MECOM: variants seen among roughly 807,000 people sequenced by gnomAD.
MECOM encodes MDS1 and EVI1 complex locus, also known as histone-lysine N-methyltransferase MECOM.
A neutral mutation model predicts 116.3 loss-of-function variants in MECOM; 13 were observed. That is an observed-to-expected ratio of 0.11 (90% CI 0.07 to 0.18). The LOEUF is 0.18. Ranked by LOEUF, MECOM falls within the 10% of genes least tolerant of loss-of-function variation. The probability of loss-of-function intolerance (pLI) is 1.00; values close to 1 mark genes in which losing one functional copy is unlikely to be tolerated. For missense variants in MECOM, 1,299 were observed against 1,509.0 expected (o/e 0.86, Z 2.31); for synonymous variants, 528 against 535.2 (o/e 0.99, Z 0.19).
At chr3:169,123,567 G>C (rs1731804655) in intron 5 of MECOM, among the ~76,000 whole-genome samples, 1 of 151,898 alleles carries the variant, frequency 6.6e-6, no homozygotes, top group African/African-American at 2.4e-5. Context: ...AAATATTATA[G>C]ATAATGGATT....
intron 2 of MECOM, among the ~76,000 whole-genome samples, chr3:169,362,142 G>T (rs1048026389): frequency 2.6e-5 from 4 of 151,826 alleles, no homozygotes; most frequent in African/African-American, 9.7e-5. Context: ...AATATATTAG[G>T]TTGGTGTAAA....
intron 1 of MECOM, among the ~76,000 whole-genome samples, chr3:169,658,356 A>G (rs1775788400): frequency 6.6e-6 from 1 of 152,172 alleles, no homozygotes; most frequent in South Asian, 2.1e-4. Context: ...CTATGAGGCT[A>G]GGAAGGAGCC....
chr3:169,128,056 T>C lies in MECOM; in HGVS notation c.618A>G (p.Glu206=). Residue 206 remains glutamate (E), a synonymous_variant, in exon 5 of 17, where the codon GAA becomes GAG. Transcript: ENST00000651503. ...CACAGTCTTCGCAGCGATATTGCCG[T>C]TCTTCTGTGAAAACAATTCAGGTGT... The part of the protein sequence containing the change: ...HETMAPDIHE[E]RQYRCEDCDQ... The C allele has an allele frequency of 6.2e-7, 1 of 1,613,950 alleles. No individual in the cohort carries two copies. The highest frequency in any genetic ancestry group is 2.2e-5 in the East Asian group (1 of 44,874).
At chr3:169,580,737 C>G (rs1328784695) in intron 1 of MECOM, among the ~76,000 whole-genome samples, 2 of 152,094 alleles carry the variant, frequency 1.3e-5, no homozygotes, top group African/African-American at 4.8e-5. Context: ...AATCAAGTTG[C>G]CCCAAATGAC....
At chr3:169,661,417 G>A (rs1776270973) in intron 1 of MECOM, among the ~76,000 whole-genome samples, 1 of 151,798 alleles carries the variant, frequency 6.6e-6, no homozygotes, top group Admixed American at 6.6e-5. Flanking sequence ...TAAAGACATC[G>A]GCCTCATTTA....
chr3:169,167,307 T>A (rs1052042413), intron 2 of MECOM, among the ~76,000 whole-genome samples: 2 of 152,180 alleles, frequency 1.3e-5, no homozygotes, highest in African/African-American at 4.8e-5. Context: ...CTGTGCCTTC[T>A]CCTCCTCACA....
At chr3:169,300,375 C>A (rs1004248893) in intron 2 of MECOM, among the ~76,000 whole-genome samples, 1 of 152,202 alleles carries the variant, frequency 6.6e-6, no homozygotes, top group Non-Finnish European at 1.5e-5. Context: ...TCTTATAAAT[C>A]ATTCAAATAG....
intron 7 of MECOM, among the ~76,000 whole-genome samples, chr3:169,119,876 G>A (rs1486286132): frequency 6.6e-6 from 1 of 152,010 alleles, no homozygotes; most frequent in Non-Finnish European, 1.5e-5. Context: ...CTTCACCCGG[G>A]GAACAGAAGA....
chr3:169,458,627 C>T (rs1463849220), intron 1 of MECOM, among the ~76,000 whole-genome samples: 1 of 152,190 alleles, frequency 6.6e-6, no homozygotes, highest in Non-Finnish European at 1.5e-5. Context: ...CATGTCTTGC[C>T]TCATGATTCA....
At chr3:169,381,738 T>G (rs748312035) in intron 1 of MECOM, among the ~76,000 whole-genome samples, 1 of 152,186 alleles carries the variant, frequency 6.6e-6, no homozygotes, top group Non-Finnish European at 1.5e-5. Context: ...ATAAATCAAA[T>G]GAGCTAATCC....
At chr3:169,614,272 G>A (rs1268932752) in intron 1 of MECOM, among the ~76,000 whole-genome samples, 2 of 150,880 alleles carry the variant, frequency 1.3e-5, no homozygotes, top group African/African-American at 4.9e-5. Flanking sequence ...GATCACTGAG[G>A]ATGCCTGTCC....
chr3:169,436,151 C>T (rs1742587689), intron 1 of MECOM, among the ~76,000 whole-genome samples: 1 of 148,888 alleles, frequency 6.7e-6, no homozygotes, highest in South Asian at 2.1e-4. Context: ...TCTTTGTTTA[C>T]ATAGCTGAGG....
Position 169,093,057 on chromosome 3 carries a change from G to A in MECOM, c.3065C>T (p.Ala1022Val), listed in dbSNP as rs368424856. 45 of 1,613,588 alleles carry A rather than the reference G, an allele frequency of 2.8e-5. No homozygotes were observed. Among genetic ancestry groups the A allele is most frequent in the South Asian group, 2.5e-4 (23 of 91,034 alleles). The change falls in exon 14 of 17, where the codon GCG becomes GTG. Residue 1022 changes from alanine (A) to valine (V), a missense_variant. By Grantham distance (64) the Ala-to-Val change is moderately conservative. This residue lies in a region of MECOM where 273 missense variants were observed against 289.3 expected (regional missense o/e 0.94). Transcript: ENST00000651503. Reference protein sequence around the residue: ...SPHSELESTGAILDDKEDAYF... With the variant: ...SPHSELESTGVILDDKEDAYF... ...AGCATCTTCTTTGTCATCCAGAATC[G>A]CACCTGTACTTTCCAGTTCAGAATG...
At chr3:169,123,764 C>G (rs1201067031) in intron 5 of MECOM, among the ~76,000 whole-genome samples, 2 of 151,858 alleles carry the variant, frequency 1.3e-5, no homozygotes, top group Admixed American at 1.3e-4. Context: ...AGATAATATC[C>G]AAAAAATTAG....
At chr3:169,196,080 A>G (rs1748379227) in intron 2 of MECOM, among the ~76,000 whole-genome samples, 1 of 152,030 alleles carries the variant, frequency 6.6e-6, no homozygotes, top group Non-Finnish European at 1.5e-5. Context: ...TCCTATCGTT[A>G]TGAACTATAG....
rs748301942 is a variant in MECOM at position 169,131,549 on chromosome 3, A to G, written c.511-18T>C. 1.3e-6 allele frequency: 2 copies of G among 1,585,242 alleles called. No individual in the cohort carries two copies. Among genetic ancestry groups the G allele is most frequent in the South Asian group, 1.1e-5 (1 of 88,724 alleles). ...TAGAATATCTTTAAAGACAAAATAA[A>G]GGTGGATGGAATCAGGAAAGAGAGA... On this transcript the variant is annotated intron_variant, in intron 3 of 16. Coordinates refer to ENST00000651503, the MANE Select transcript of MECOM (RefSeq NM_004991.4).
chr3:169,175,881 T>A (rs1339726280), intron 2 of MECOM, among the ~76,000 whole-genome samples: 3 of 152,086 alleles, frequency 2.0e-5, no homozygotes, highest in Non-Finnish European at 4.4e-5. Flanking sequence ...CCACAGGAGC[T>A]AAATATCACT....
intron 2 of MECOM, among the ~76,000 whole-genome samples, chr3:169,207,650 T>C (rs1750122962): frequency 6.6e-6 from 1 of 152,162 alleles, no homozygotes; most frequent in Non-Finnish European, 1.5e-5. Context: ...GTTACATAGA[T>C]TTCTAAGAAA....
intron 2 of MECOM, among the ~76,000 whole-genome samples, chr3:169,297,528 AT>A (rs61244191): frequency 0.56 from 83,560 of 149,850 alleles, 25,012 homozygotes; most frequent in East Asian, 0.87. Context: ...GTTACAACTG[AT>A]TTTTTTTTTT....
Sources: gnomAD v4.1 joint callset for allele counts (sites outside exome capture counted in the v4.1 genomes callset) on GRCh38, gnomAD v4.1.1 for gene constraint, gnomAD v4.1.1 regional missense constraint, MANE v1.5 for transcripts, NCBI Gene and HGNC (gene_info 2026-07-23, HGNC 2026-07-21) for gene names.